Variants in FTO observed in about 807,000 individuals in gnomAD.
FTO encodes FTO alpha-ketoglutarate dependent dioxygenase.
Under a neutral mutation model 63.9 loss-of-function variants are expected in FTO, and 47 were observed. That is an observed-to-expected ratio of 0.74 (90% CI 0.58 to 0.94). The LOEUF (loss-of-function observed/expected upper bound fraction) is 0.94, where lower values mean the gene tolerates loss of function less well. Ranked by LOEUF, FTO falls within the 40% of genes least tolerant of loss-of-function variation. The probability of loss-of-function intolerance (pLI) is 0.00; values close to 1 mark genes in which losing one functional copy is unlikely to be tolerated. For missense variants in FTO, 562 were observed against 618.1 expected (o/e 0.91, Z 0.96); for synonymous variants, 207 against 224.4 (o/e 0.92, Z 0.69).
intron 4 of FTO, among the ~76,000 whole-genome samples, chr16:53,849,197 G>A (rs2079717632): frequency 6.6e-6 from 1 of 152,182 alleles, no homozygotes; most frequent in African/African-American, 2.4e-5. Flanking sequence ...TGTATTGCTA[G>A]TGCCTCTCTT....
intron 8 of FTO, among the ~76,000 whole-genome samples, chr16:54,019,801 A>G (rs1216707053): frequency 1.3e-5 from 2 of 152,178 alleles, no homozygotes; most frequent in Non-Finnish European, 2.9e-5. Flanking sequence ...TTCCACTTTG[A>G]ATTACTCAGG....
At chr16:53,718,881 C>G (rs2075960997) in intron 1 of FTO, among the ~76,000 whole-genome samples, 1 of 152,088 alleles carries the variant, frequency 6.6e-6, no homozygotes, top group Admixed American at 6.6e-5. Flanking sequence ...TAAGATGGGT[C>G]AGTATCAGGG....
rs138835680 is a variant in FTO, at chr16:53,816,794, C to T, written c.123+6577C>T. Among the ~76,000 whole-genome samples the T allele has an allele frequency of 9.8e-4, 149 of 152,184 alleles. 1 individual carries two copies. The highest frequency in any genetic ancestry group is 3.1e-3 in the African/African-American group (127 of 41,536). On this transcript the variant is annotated intron_variant, in intron 2 of 8. Coordinates refer to ENST00000471389, the MANE Select transcript of FTO (RefSeq NM_001080432.3). Reference sequence around the variant, plus strand: ...GTAGACTTATCATCATCTAAAATACCGTATATTTTACTTATTTATATGCTT... The same window carrying T: ...GTAGACTTATCATCATCTAAAATACTGTATATTTTACTTATTTATATGCTT...
chr16:53,840,485 C>A (rs2079442954), intron 3 of FTO, among the ~76,000 whole-genome samples: 1 of 152,158 alleles, frequency 6.6e-6, no homozygotes, highest in African/African-American at 2.4e-5. Flanking sequence ...AATATCAAGA[C>A]TTTCGAACAG....
In FTO at chr16:53,899,747, T is replaced by C. The variant is rs549609063; in HGVS notation, c.1239+10796T>C. On this transcript the variant is annotated intron_variant, in intron 7 of 8. Transcript: ENST00000471389. ...TGTGATGTGGATTGAGCTTTTCCTT[T>C]GGGGGACGGGAATAGGGGAATACAA... is the stretch of plus-strand genomic sequence containing the variant. 3.5e-4 allele frequency among the ~76,000 whole-genome samples: 53 copies of C among 152,218 alleles called. 1 individual carries two copies. The highest frequency in any genetic ancestry group is 7.1e-4 in the Non-Finnish European group (48 of 68,020).
chr16:53,717,397 C>G lies in FTO; in HGVS notation c.45+13168C>G, dbSNP rs557315431. ...TTATTATATTTGGTTGAATTTCCTCCCACCATTTATATTGGCCAAATATAG... is the reference window on the plus strand; with the variant it reads ...TTATTATATTTGGTTGAATTTCCTCGCACCATTTATATTGGCCAAATATAG... On this transcript the variant is annotated intron_variant, in intron 1 of 8. Transcript: ENST00000471389. 8.5e-5 allele frequency among the ~76,000 whole-genome samples: 13 copies of G among 152,100 alleles called. 1 individual carries two copies. In the South Asian group the frequency reaches 1.2e-3, roughly 15 times the overall value.
chr16:53,935,443 T>C (rs1393541202), intron 8 of FTO: 2 of 152,254 alleles, frequency 1.3e-5, no homozygotes, highest in Non-Finnish European at 2.9e-5. Context: ...ATATGTATTA[T>C]CTTTAAATTC....
intron 8 of FTO, among the ~76,000 whole-genome samples, chr16:54,021,026 C>A (rs1350627944): frequency 6.6e-6 from 1 of 152,064 alleles, no homozygotes; most frequent in Admixed American, 6.6e-5. Context: ...TAACTTGTAC[C>A]ATTTTGGAAG....
intron 1 of FTO, among the ~76,000 whole-genome samples, chr16:53,729,384 G>GGGCTT (rs1312161728): frequency 1.3e-5 from 2 of 151,860 alleles, no homozygotes; most frequent in African/African-American, 2.4e-5. Flanking sequence ...AAAATTAGCT[G>GGGCTT]GGCTTGGTGG....
chr16:53,877,371 A>G (rs1427200737), intron 5 of FTO, among the ~76,000 whole-genome samples: 1 of 152,244 alleles, frequency 6.6e-6, no homozygotes, highest in African/African-American at 2.4e-5. Context: ...TTGAAATGGA[A>G]TACAGTAATG....
At chr16:53,732,671 A>G (rs1405847109) in intron 1 of FTO, among the ~76,000 whole-genome samples, 1 of 152,184 alleles carries the variant, frequency 6.6e-6, no homozygotes, top group African/African-American at 2.4e-5. Context: ...CCTGCTTGGC[A>G]TGGATGGAGA....
At chr16:53,857,577 TG>T (rs2080043924) in intron 4 of FTO, among the ~76,000 whole-genome samples, 1 of 152,068 alleles carries the variant, frequency 6.6e-6, no homozygotes, top group African/African-American at 2.4e-5. Context: ...CCTTCGTCTT[TG>T]GAGGCCACCC....
intron 3 of FTO, among the ~76,000 whole-genome samples, chr16:53,831,386 C>T (rs1437600825): frequency 6.6e-6 from 1 of 151,852 alleles, no homozygotes; most frequent in Non-Finnish European, 1.5e-5. Flanking sequence ...TGGGGGTGAC[C>T]ATCCAGTTAT....
intron 8 of FTO, among the ~76,000 whole-genome samples, chr16:54,072,984 G>A (rs1012515808): frequency 3.3e-5 from 5 of 152,158 alleles, no homozygotes; most frequent in Admixed American, 6.5e-5. Flanking sequence ...GAATTATTCT[G>A]GTTGGAGTTT....
chr16:53,974,208 GT>G (rs1226861004), intron 8 of FTO, among the ~76,000 whole-genome samples: 4 of 152,106 alleles, frequency 2.6e-5, no homozygotes, highest in Non-Finnish European at 5.9e-5. Context: ...CTACACCTCA[GT>G]TTTTTTCACC....
At chr16:54,082,174 C>G (rs2086164449) in intron 8 of FTO, among the ~76,000 whole-genome samples, 1 of 152,146 alleles carries the variant, frequency 6.6e-6, no homozygotes, top group Non-Finnish European at 1.5e-5. Context: ...TTGTGAAATT[C>G]TATTTAAACT....
At chr16:53,830,673 G>A (rs915064649) in intron 3 of FTO, among the ~76,000 whole-genome samples, 2 of 152,176 alleles carry the variant, frequency 1.3e-5, no homozygotes, top group South Asian at 4.1e-4. Flanking sequence ...ACCAAGGCAG[G>A]TGGATCACAA....
At chr16:53,847,021 T>G (rs1893409663) in intron 4 of FTO, among the ~76,000 whole-genome samples, 1 of 152,178 alleles carries the variant, frequency 6.6e-6, no homozygotes, top group Admixed American at 6.5e-5. Context: ...TTTCTGTATA[T>G]GTATGTCTGG....
At chr16:53,751,798 G>T (rs1052617460) in intron 1 of FTO, among the ~76,000 whole-genome samples, 4 of 152,134 alleles carry the variant, frequency 2.6e-5, no homozygotes, top group African/African-American at 7.2e-5. Flanking sequence ...TTTATGTTAC[G>T]TGAATTACAT....
Sources: gnomAD v4.1 joint callset for allele counts (sites outside exome capture counted in the v4.1 genomes callset) on GRCh38, gnomAD v4.1.1 for gene constraint, MANE v1.5 for transcripts, NCBI Gene and HGNC (gene_info 2026-07-23, HGNC 2026-07-21) for gene names.